Variants in CCSER1 observed in about 807,000 individuals in gnomAD.
CCSER1 encodes coiled-coil serine rich protein 1.
CCSER1 carries 41 observed loss-of-function variants against 82.0 expected under a neutral mutation model. The ratio of observed to expected loss-of-function variants is 0.50; its 90% confidence interval spans 0.39 to 0.65. The LOEUF (loss-of-function observed/expected upper bound fraction) is 0.65. Among genes scored for constraint, CCSER1 ranks in the 30% least tolerant of loss-of-function variants. The pLI, the probability that CCSER1 is intolerant of heterozygous loss-of-function variation, is 0.00. For missense variants in CCSER1, 1,119 were observed against 1,064.2 expected (o/e 1.05, Z -0.72); for synonymous variants, 414 against 383.9 (o/e 1.08, Z -0.92).
At chr4:90,852,112 C>CA (rs5860207) in intron 8 of CCSER1, among the ~76,000 whole-genome samples, 3 of 151,870 alleles carry the variant, frequency 2.0e-5, no homozygotes, top group Admixed American at 1.3e-4. Context: ...AAAGAGAAGT[C>CA]AAAAAAATAT....
intron 10 of CCSER1, among the ~76,000 whole-genome samples, chr4:91,562,701 G>T (rs1195992032): frequency 1.3e-5 from 2 of 151,494 alleles, no homozygotes; most frequent in Non-Finnish European, 3.0e-5. Context: ...CATGCAGAGA[G>T]TTTTAGATTG....
intron 6 of CCSER1, among the ~76,000 whole-genome samples, chr4:90,687,248 CAA>C (rs1369136229): frequency 6.6e-6 from 1 of 151,904 alleles, no homozygotes; most frequent in Non-Finnish European, 1.5e-5. Flanking sequence ...TATTGCAACT[CAA>C]AGAGAAAGCT....
At chr4:90,969,973 T>A (rs1734936609) in intron 9 of CCSER1, among the ~76,000 whole-genome samples, 1 of 147,090 alleles carries the variant, frequency 6.8e-6, no homozygotes, top group Non-Finnish European at 1.5e-5. Context: ...GATAAAGAAA[T>A]CAAATTATAC....
chr4:91,575,191 A>T (rs1342604707), intron 10 of CCSER1, among the ~76,000 whole-genome samples: 1 of 151,994 alleles, frequency 6.6e-6, no homozygotes, highest in East Asian at 1.9e-4. Flanking sequence ...TGAGATCCAT[A>T]TCCATACCAT....
At chr4:91,067,744 G>A (rs548650717) in intron 9 of CCSER1, among the ~76,000 whole-genome samples, 3 of 152,270 alleles carry the variant, frequency 2.0e-5, no homozygotes, top group South Asian at 4.2e-4. Context: ...ACAGGTTTCT[G>A]TGCTCCTGGT....
chr4:91,355,227 T>A (rs1016441811), intron 10 of CCSER1, among the ~76,000 whole-genome samples: 1 of 152,184 alleles, frequency 6.6e-6, no homozygotes, highest in African/African-American at 2.4e-5. Flanking sequence ...GTTTAACTTT[T>A]TTTTAGTTTA....
chr4:91,544,906 T>G (rs1241924462), intron 10 of CCSER1, among the ~76,000 whole-genome samples: 2 of 152,084 alleles, frequency 1.3e-5, no homozygotes, highest in African/African-American at 4.8e-5. Context: ...GTCCCCAGAG[T>G]TGGAGTCTAC....
At chr4:90,825,996 T>C (rs964821693) in intron 8 of CCSER1, among the ~76,000 whole-genome samples, 2 of 152,144 alleles carry the variant, frequency 1.3e-5, no homozygotes, top group Non-Finnish European at 2.9e-5. Context: ...AGCACAACAA[T>C]TGTTTTTTAT....
intron 1 of CCSER1, among the ~76,000 whole-genome samples, chr4:90,277,065 T>C (rs942590188): frequency 1.3e-5 from 2 of 152,112 alleles, no homozygotes; most frequent in Non-Finnish European, 2.9e-5. Context: ...GTTTGACTTA[T>C]TTGGATGCCT....
chr4:90,364,795 T>C (rs1393657139), intron 3 of CCSER1, among the ~76,000 whole-genome samples: 1 of 151,920 alleles, frequency 6.6e-6, no homozygotes, highest in Non-Finnish European at 1.5e-5. Context: ...AGTTCTTAAA[T>C]GTGGAGCTCA....
intron 10 of CCSER1, among the ~76,000 whole-genome samples, chr4:91,204,599 GT>G (rs1287421235): frequency 2.0e-5 from 3 of 151,488 alleles, no homozygotes; most frequent in African/African-American, 7.3e-5. Flanking sequence ...AGATATAAAT[GT>G]TTTGCTTTAT....
chr4:90,301,889 T>C (rs1733210189), intron 1 of CCSER1, among the ~76,000 whole-genome samples: 1 of 152,192 alleles, frequency 6.6e-6, no homozygotes, highest in Non-Finnish European at 1.5e-5. Context: ...TTATCTTTCA[T>C]GAATAATTGA....
intron 10 of CCSER1, among the ~76,000 whole-genome samples, chr4:91,314,950 AGAGAGT>A (rs1165294943): frequency 2.0e-5 from 3 of 152,062 alleles, no homozygotes; most frequent in Non-Finnish European, 2.9e-5. Flanking sequence ...TGGGAAAGTG[AGAGAGT>A]GAGAAAGTCA....
chr4:90,755,134 G>A (rs1225024343), intron 7 of CCSER1, among the ~76,000 whole-genome samples: 1 of 152,066 alleles, frequency 6.6e-6, no homozygotes, highest in Non-Finnish European at 1.5e-5. Context: ...ATGTCACACT[G>A]GCCAAACTTC....
chr4:91,250,513 C>A (rs1740170539), intron 10 of CCSER1, among the ~76,000 whole-genome samples: 1 of 151,780 alleles, frequency 6.6e-6, no homozygotes. Flanking sequence ...AGGTATATTT[C>A]ATTCATTTGG....
intron 10 of CCSER1, among the ~76,000 whole-genome samples, chr4:91,476,763 C>G (rs1757621608): frequency 6.6e-6 from 1 of 151,484 alleles, no homozygotes; most frequent in Admixed American, 6.6e-5. Context: ...AAATCTTACT[C>G]ATTTATAGCC....
chr4:90,534,719 A>G (rs1014525930), intron 5 of CCSER1, among the ~76,000 whole-genome samples: 1 of 152,190 alleles, frequency 6.6e-6, no homozygotes, highest in African/African-American at 2.4e-5. Flanking sequence ...CACTGCAAGG[A>G]AGAAATATTA....
chr4:90,199,141 T>C (rs193168400), intron 1 of CCSER1, among the ~76,000 whole-genome samples: 3 of 152,266 alleles, frequency 2.0e-5, no homozygotes, highest in Admixed American at 6.5e-5. Context: ...GGTTTGCAAA[T>C]AGTGATTTTG....
intron 3 of CCSER1, among the ~76,000 whole-genome samples, chr4:90,342,446 A>C (rs1410682378): frequency 6.6e-6 from 1 of 152,202 alleles, no homozygotes. Context: ...CTCAGAAAGT[A>C]ATCATGCCTA....
Sources: allele counts gnomAD v4.1 joint callset (sites outside exome capture counted in the v4.1 genomes callset), GRCh38; gene constraint gnomAD v4.1.1; transcripts MANE v1.5; gene names NCBI Gene and HGNC (gene_info 2026-07-23, HGNC 2026-07-21).